Variants in TTC28 observed in about 807,000 individuals in gnomAD.
TTC28 encodes the protein tetratricopeptide repeat protein 28.
Under a neutral mutation model 198.0 loss-of-function variants are expected in TTC28, and 61 were observed. The observed-to-expected ratio is 0.31, with a 90% confidence interval of 0.25 to 0.38. The LOEUF (loss-of-function observed/expected upper bound fraction) is 0.38. TTC28 is among the 10% of genes least tolerant of loss of function. The pLI, the probability that TTC28 is intolerant of heterozygous loss-of-function variation, is 1.00. For missense variants in TTC28, 2,678 were observed against 3,164.0 expected (o/e 0.85, Z 3.69); for synonymous variants, 1,171 against 1,297.8 (o/e 0.90, Z 2.10).
At chr22:28,443,028 T>C (rs1463964608) in intron 2 of TTC28, 1 of 152,196 alleles carries the variant, frequency 6.6e-6, no homozygotes, top group Non-Finnish European at 1.5e-5. Flanking sequence ...TTCTTTCCCA[T>C]ATTCACTGCG....
chr22:28,145,049 C>T (rs1378996843), intron 6 of TTC28, among the ~76,000 whole-genome samples: 1 of 152,220 alleles, frequency 6.6e-6, no homozygotes, highest in Non-Finnish European at 1.5e-5. Context: ...CACTTTCCAT[C>T]AGTTCCTGTG....
At position 28,552,911 on chromosome 22, in the gene TTC28, C is replaced by G. The variant is rs544558662; in HGVS notation, c.381+76641G>C. On this transcript the variant is annotated intron_variant, in intron 2 of 22. Coordinates refer to ENST00000397906, the MANE Select transcript of TTC28 (RefSeq NM_001145418.2). Reference sequence around the variant, plus strand: ...GCCTGATTCCCCTGCCTCAGCCTGTCGAGTGCCTGTGATTGCAGGCGCGCG... The same window carrying G: ...GCCTGATTCCCCTGCCTCAGCCTGTGGAGTGCCTGTGATTGCAGGCGCGCG... Among the ~76,000 whole-genome samples, 12 of 152,254 alleles carry G rather than the reference C, an allele frequency of 7.9e-5. No individual in the cohort carries two copies. In the South Asian group the frequency reaches 1.0e-3, roughly 13 times the overall value.
chr22:28,234,358 T>C (rs1201724681), intron 5 of TTC28, among the ~76,000 whole-genome samples: 1 of 151,278 alleles, frequency 6.6e-6, no homozygotes, highest in East Asian at 2.0e-4. Flanking sequence ...AATTCTACAT[T>C]AGCCTCATCT....
rs140444148 is a variant in TTC28, at chr22:28,015,695, G to A, written c.4074-1303C>T. ...CCCACCTTGGCCTCCTAAAGTGTTG[G>A]GATTACAGACGTGAGACACCACACC... On this transcript the variant is annotated intron_variant, in intron 13 of 22. Coordinates refer to ENST00000397906, the MANE Select transcript of TTC28 (RefSeq NM_001145418.2). 1.6e-4 allele frequency among the ~76,000 whole-genome samples: 25 copies of A among 151,966 alleles called. No homozygotes were observed. In the East Asian group the frequency reaches 4.8e-3, roughly 29 times the overall value.
In TTC28 at chr22:27,982,141, A is replaced by G; in HGVS notation, c.*80T>C. 7.3e-7 allele frequency: 1 copy of G among 1,361,320 alleles called. No homozygotes were observed. The highest frequency in any genetic ancestry group is 9.8e-7 in the Non-Finnish European group (1 of 1,022,396). 84.3% of individuals were successfully genotyped at this position (1,361,320 alleles called of 1,614,324 possible). ...TGAGGGTGCTGGTGGCTGTGGGGGG[A>G]CTGCACTCAGGGAAGGGCTGAAGCA... On this transcript the variant is annotated 3_prime_UTR_variant, in exon 23 of 23. Transcript: ENST00000397906. The surrounding 1 kb of genome is among the most constrained non-coding windows in gnomAD (Gnocchi z 5.2).
intron 2 of TTC28, among the ~76,000 whole-genome samples, chr22:28,419,466 C>A (rs1323726354): frequency 2.0e-5 from 3 of 152,154 alleles, no homozygotes; most frequent in Non-Finnish European, 2.9e-5. Flanking sequence ...AGCCCTAATT[C>A]CTTGCCCAAA....
At chr22:28,463,795 A>T (rs1193306203) in intron 2 of TTC28, among the ~76,000 whole-genome samples, 1 of 152,134 alleles carries the variant, frequency 6.6e-6, no homozygotes, top group Non-Finnish European at 1.5e-5. Context: ...TAGCATTGGG[A>T]GATATACCTA....
chr22:28,273,914 C>A (rs1932248577), intron 5 of TTC28, among the ~76,000 whole-genome samples: 1 of 152,072 alleles, frequency 6.6e-6, no homozygotes, highest in Non-Finnish European at 1.5e-5. Flanking sequence ...ACAGTGGAAA[C>A]AACCCAAAAG....
chr22:27,998,511 C>G (rs1380774889), intron 16 of TTC28, 29 bp downstream of exon 16: 19 of 1,532,942 alleles, frequency 1.2e-5, no homozygotes, highest in Non-Finnish European at 1.7e-5. Context: ...CAGGCCTTGA[C>G]AGGCACCCGC....
intron 6 of TTC28, among the ~76,000 whole-genome samples, chr22:28,115,386 A>G (rs1015895598): frequency 5.9e-5 from 9 of 152,216 alleles, no homozygotes; most frequent in Non-Finnish European, 1.3e-4. Context: ...AAAGACAGGC[A>G]TGATTCTGTG....
intron 2 of TTC28, among the ~76,000 whole-genome samples, chr22:28,603,039 C>T (rs1167344453): frequency 6.6e-6 from 1 of 152,088 alleles, no homozygotes; most frequent in Non-Finnish European, 1.5e-5. Context: ...CACCACCACT[C>T]CAAGCTAATT....
At chr22:28,531,122 T>C (rs375199872) in intron 2 of TTC28, among the ~76,000 whole-genome samples, 24 of 152,086 alleles carry the variant, frequency 1.6e-4, no homozygotes, top group African/African-American at 5.6e-4. Context: ...GCAAACTGGA[T>C]GAAGAGTCAA....
intron 2 of TTC28, among the ~76,000 whole-genome samples, chr22:28,613,125 A>C (rs2050847550): frequency 6.6e-6 from 1 of 152,118 alleles, no homozygotes. Flanking sequence ...GAATCAAAAA[A>C]ACACAATAAA....
intron 5 of TTC28, among the ~76,000 whole-genome samples, chr22:28,186,994 T>G (rs1924260368): frequency 6.6e-6 from 1 of 152,162 alleles, no homozygotes; most frequent in Non-Finnish European, 1.5e-5. Context: ...TTTACCTAAT[T>G]TTATAGGTCA....
At chr22:28,678,403 CTCGCTATGTT>C (rs779476862) in intron 1 of TTC28, among the ~76,000 whole-genome samples, 7 of 152,116 alleles carry the variant, frequency 4.6e-5, no homozygotes, top group Non-Finnish European at 8.8e-5. Flanking sequence ...ACGAACGAGT[CTCGCTATGTT>C]TCCCACACTG....
chr22:28,543,741 A>T (rs1176387364), intron 2 of TTC28, among the ~76,000 whole-genome samples: 1 of 152,192 alleles, frequency 6.6e-6, no homozygotes, highest in African/African-American at 2.4e-5. Context: ...ACATTTTCAA[A>T]CTCCTTTGAT....
At chr22:28,027,026 T>TA (rs1474331753) in intron 13 of TTC28, among the ~76,000 whole-genome samples, 1 of 152,196 alleles carries the variant, frequency 6.6e-6, no homozygotes, top group East Asian at 1.9e-4. Flanking sequence ...CTTCTTCGTC[T>TA]TTTCTACAGC....
At chr22:28,525,602 T>C (rs1289888127) in intron 2 of TTC28, among the ~76,000 whole-genome samples, 2 of 152,224 alleles carry the variant, frequency 1.3e-5, no homozygotes, top group African/African-American at 4.8e-5. Flanking sequence ...TTTTTTCTTT[T>C]ATAAATAAGT....
At chr22:28,192,967 G>T (rs533858740) in intron 5 of TTC28, among the ~76,000 whole-genome samples, 1 of 152,088 alleles carries the variant, frequency 6.6e-6, no homozygotes, top group East Asian at 1.9e-4. Flanking sequence ...CTTGACAAGA[G>T]CAACTCCAAG....
Sources: gnomAD v4.1 joint callset for allele counts (sites outside exome capture counted in the v4.1 genomes callset) on GRCh38, gnomAD v4.1.1 for gene constraint, Gnocchi (gnomAD v3.1) non-coding constraint, MANE v1.5 for transcripts, NCBI Gene and HGNC (gene_info 2026-07-23, HGNC 2026-07-21) for gene names.